KIRREL3: variants seen among roughly 807,000 people sequenced by gnomAD.
The protein encoded by KIRREL3 is kin of IRRE-like protein 3.
A neutral mutation model predicts 89.7 loss-of-function variants in KIRREL3; 36 were observed. The ratio of observed to expected loss-of-function variants is 0.40; its 90% CI spans 0.31 to 0.53. The LOEUF is 0.53. Among genes scored for constraint, KIRREL3 ranks in the 20% least tolerant of loss-of-function variants. The pLI, the probability that KIRREL3 is intolerant of heterozygous loss-of-function variation, is 0.49. For missense variants in KIRREL3, 864 were observed against 1,056.6 expected (o/e 0.82, Z 2.53); for synonymous variants, 445 against 441.4 (o/e 1.01, Z -0.10).
chr11:126,948,250 T>C lies in KIRREL3; in HGVS notation c.55+52205A>G, dbSNP rs185353899. Among the ~76,000 whole-genome samples, 21 of 152,162 alleles carry C rather than the reference T, an allele frequency of 1.4e-4. No homozygotes were observed. In the East Asian group the frequency reaches 3.9e-3, roughly 28 times the overall value. ...AACCAATTCTATATTATTGAAATTG[T>C]ACTTGATAATGAAAAAGTTGGTCAA... is the stretch of plus-strand genomic sequence containing the variant. On this transcript the variant is annotated intron_variant, in intron 1 of 16. Coordinates refer to ENST00000525144, the MANE Select transcript of KIRREL3 (RefSeq NM_032531.4). The surrounding 1 kb of genome is among the most constrained non-coding windows in gnomAD (Gnocchi z 4.5).
chr11:126,553,372 C>T lies in KIRREL3; in HGVS notation c.133+9463G>A, dbSNP rs73634663. 0.039 allele frequency among the ~76,000 whole-genome samples: 6,014 copies of T among 152,282 alleles called. 300 individuals carry two copies. Among genetic ancestry groups the T allele is most frequent in the African/African-American group, 0.12 (4,820 of 41,548 alleles). On this transcript the variant is annotated intron_variant, in intron 2 of 16. Transcript: ENST00000525144. This position sits in a 1 kb window ranked among gnomAD's most constrained non-coding sequence, Gnocchi z 4.7. ...GCAAGACCCATTTGTAGACCCGCAG[C>T]ACCAGTCTCACTTGCTAGCTGTGTT...
At chr11:126,472,117 T>C (rs1956912153) in intron 5 of KIRREL3, among the ~76,000 whole-genome samples, 2 of 152,250 alleles carry the variant, frequency 1.3e-5, no homozygotes, top group African/African-American at 4.8e-5. Context: ...GAATTTCAGA[T>C]ATATAATGAC....
rs1442908173 is a variant in KIRREL3 at position 126,653,913 on chromosome 11, T to C, written c.56-91001A>G. On this transcript the variant is annotated intron_variant, in intron 1 of 16. Transcript: ENST00000525144. The surrounding 1 kb of genome is among the most constrained non-coding windows in gnomAD (Gnocchi z 5.4). Reference sequence around the variant, plus strand: ...GGGGGGAGTTGAAAAATAGACCTTGTAGCTGCCTCCATGCGATTCAGGGGA... The same window carrying C: ...GGGGGGAGTTGAAAAATAGACCTTGCAGCTGCCTCCATGCGATTCAGGGGA... 6.6e-6 allele frequency among the ~76,000 whole-genome samples: 1 copy of C among 152,196 alleles called. No individual in the cohort carries two copies. The highest frequency in any genetic ancestry group is 1.5e-5 in the Non-Finnish European group (1 of 68,034).
rs1942889652 is a variant in KIRREL3, at chr11:126,606,398, C to G, written c.56-43486G>C. ...AAATACGGGGAAATAATACCTAACT[C>G]ATGGAGCTGTGAGGAGTGAGCAGAT... On this transcript the variant is annotated intron_variant, in intron 1 of 16. Transcript: ENST00000525144. The surrounding 1 kb of genome is among the most constrained non-coding windows in gnomAD (Gnocchi z 4.6). 6.6e-6 allele frequency among the ~76,000 whole-genome samples: 1 copy of G among 152,150 alleles called. No individual in the cohort carries two copies. The highest frequency in any genetic ancestry group is 2.4e-5 in the African/African-American group (1 of 41,428).
At chr11:126,542,516 T>C (rs909699886) in intron 2 of KIRREL3, among the ~76,000 whole-genome samples, 1 of 152,200 alleles carries the variant, frequency 6.6e-6, no homozygotes, top group Non-Finnish European at 1.5e-5. Flanking sequence ...GAATTTTTCA[T>C]ACTTAAAAAA....
intron 5 of KIRREL3, 97 bp downstream of exon 5, chr11:126,473,212 T>A: frequency 3.3e-6 from 2 of 597,802 alleles, no homozygotes; most frequent in African/African-American, 3.7e-5. Flanking sequence ...CCTCCTTACC[T>A]AGCCTCCTCC....
At chr11:126,951,000 AC>A (rs2135146802) in intron 1 of KIRREL3, among the ~76,000 whole-genome samples, 2 of 152,352 alleles carry the variant, frequency 1.3e-5, no homozygotes, top group African/African-American at 4.8e-5. Flanking sequence ...AAGAAAAAAA[AC>A]AGTTTCTGGA....
At chr11:126,730,333 C>T (rs1187289182) in intron 1 of KIRREL3, among the ~76,000 whole-genome samples, 1 of 152,236 alleles carries the variant, frequency 6.6e-6, no homozygotes, top group African/African-American at 2.4e-5. Context: ...TCAACATCCC[C>T]TAATTGTCCA....
At chr11:126,433,986 G>C (rs1955228262) in intron 13 of KIRREL3, among the ~76,000 whole-genome samples, 1 of 152,242 alleles carries the variant, frequency 6.6e-6, no homozygotes, top group South Asian at 2.1e-4. Flanking sequence ...CTGGGGGAGG[G>C]GTGCCCTCTT....
intron 1 of KIRREL3, among the ~76,000 whole-genome samples, chr11:126,825,213 A>C (rs950231530): frequency 1.3e-5 from 2 of 152,162 alleles, no homozygotes; most frequent in African/African-American, 2.4e-5. Flanking sequence ...TTGGGCATAA[A>C]ATGCCTCTTG....
intron 1 of KIRREL3, among the ~76,000 whole-genome samples, chr11:126,882,409 C>T (rs1397242919): frequency 6.6e-6 from 1 of 152,194 alleles, no homozygotes; most frequent in Non-Finnish European, 1.5e-5. Flanking sequence ...CCTTGGTTAA[C>T]TGAACTAGCA....
chr11:126,656,244 A>T lies in KIRREL3; in HGVS notation c.56-93332T>A. ...AAGATGCCTGTTGGTTCTGCCGTTC[A>T]TATCTGTGAGATATCAGGCTGGTTT... On this transcript the variant is annotated intron_variant, in intron 1 of 16. Coordinates refer to ENST00000525144, the MANE Select transcript of KIRREL3 (RefSeq NM_032531.4). The surrounding 1 kb of genome is among the most constrained non-coding windows in gnomAD (Gnocchi z 4.0). The T allele has an allele frequency of 2.3e-6, 1 of 443,092 alleles. No homozygotes were observed. Among genetic ancestry groups the T allele is most frequent in the Non-Finnish European group, 4.6e-6 (1 of 218,856 alleles). The allele number at this position is 443,092 out of a possible 1,614,324, so 27.4% of individuals were successfully genotyped here. A position where few individuals can be genotyped will look rare whatever the true frequency, so the allele number is the denominator to read the frequency against.
chr11:126,591,977 CT>C (rs1322131167), intron 1 of KIRREL3, among the ~76,000 whole-genome samples: 2 of 152,156 alleles, frequency 1.3e-5, no homozygotes, highest in African/African-American at 4.8e-5. Flanking sequence ...GCTCCCACCC[CT>C]ATCACATCCT....
rs1303346122 is a variant in KIRREL3, at chr11:126,423,444, T to G, written c.*1136A>C. The G allele has an allele frequency of 6.6e-6, 1 of 152,194 alleles. No homozygotes were observed. Among genetic ancestry groups the G allele is most frequent in the Non-Finnish European group, 1.5e-5 (1 of 68,038 alleles). 9.4% of individuals were successfully genotyped at this position (152,194 alleles called of 1,614,324 possible). A position where few individuals can be genotyped will look rare whatever the true frequency, so the allele number is the denominator to read the frequency against. On this transcript the variant is annotated 3_prime_UTR_variant, in exon 17 of 17. Transcript: ENST00000525144. Reference sequence around the variant, plus strand: ...TGGGTTCCCAACGCATTCTATGAGCTCTTGGGTTCTTCCTGTGGCTTTGTA... The same window carrying G: ...TGGGTTCCCAACGCATTCTATGAGCGCTTGGGTTCTTCCTGTGGCTTTGTA...
In KIRREL3 at chr11:126,640,815, G is replaced by A. The variant is rs548981183; in HGVS notation, c.56-77903C>T. 1.3e-5 allele frequency among the ~76,000 whole-genome samples: 2 copies of A among 152,172 alleles called. No individual in the cohort carries two copies. Among genetic ancestry groups the A allele is most frequent in the South Asian group, 2.1e-4 (1 of 4,806 alleles). On this transcript the variant is annotated intron_variant, in intron 1 of 16. Transcript: ENST00000525144. The surrounding 1 kb of genome is among the most constrained non-coding windows in gnomAD (Gnocchi z 4.9). ...TCCATTCTAGTCATTTCCCTCCTAC[G>A]TCACTGACTTATTGCTGGCATCTCC...
At position 126,601,748 on chromosome 11, in the gene KIRREL3, C is replaced by T. The variant is rs892823202; in HGVS notation, c.56-38836G>A. Among the ~76,000 whole-genome samples the T allele has an allele frequency of 2.0e-5, 3 of 152,266 alleles. No homozygotes were observed. Among genetic ancestry groups the T allele is most frequent in the Middle Eastern group, 3.4e-3 (1 of 294 alleles). On this transcript the variant is annotated intron_variant, in intron 1 of 16. Transcript: ENST00000525144. The surrounding 1 kb of genome is among the most constrained non-coding windows in gnomAD (Gnocchi z 5.8). ...CGCCCACCCCGCCTACATTCCTGGA[C>T]GCCTATTTGGAGTTTCATCCCCCTG...
At chr11:126,582,470 T>C (rs1310847798) in intron 1 of KIRREL3, among the ~76,000 whole-genome samples, 1 of 152,222 alleles carries the variant, frequency 6.6e-6, no homozygotes, top group Non-Finnish European at 1.5e-5. Flanking sequence ...GGAAATCCTC[T>C]GCTATAGCGG....
In KIRREL3 at chr11:126,606,042, TC is replaced by T. The variant is rs1942876150; in HGVS notation, c.56-43131del. 6.6e-6 allele frequency among the ~76,000 whole-genome samples: 1 copy of T among 152,168 alleles called. No homozygotes were observed. The highest frequency in any genetic ancestry group is 2.4e-5 in the African/African-American group (1 of 41,434). Reference sequence around the variant, plus strand: ...GAATCCCAGTTGACCACTCATTATCTCTGTAACTAAGTCAATTATTCAATCT... The same window carrying T: ...GAATCCCAGTTGACCACTCATTATCTTGTAACTAAGTCAATTATTCAATCT... On this transcript the variant is annotated intron_variant, in intron 1 of 16. Transcript: ENST00000525144. The surrounding 1 kb of genome is among the most constrained non-coding windows in gnomAD (Gnocchi z 4.6).
chr11:126,865,391 G>A (rs1283674574), intron 1 of KIRREL3, among the ~76,000 whole-genome samples: 1 of 152,218 alleles, frequency 6.6e-6, no homozygotes, highest in Non-Finnish European at 1.5e-5. Context: ...TGTACCAATA[G>A]GGTTTGCTGA....
Sources: gnomAD v4.1 joint callset for allele counts (sites outside exome capture counted in the v4.1 genomes callset) on GRCh38, gnomAD v4.1.1 for gene constraint, Gnocchi (gnomAD v3.1) non-coding constraint, MANE v1.5 for transcripts, NCBI Gene and HGNC (gene_info 2026-07-23, HGNC 2026-07-21) for gene names.